The following WNT2B variants were observed in gnomAD, a reference collection of about 807,000 sequenced individuals.
The protein encoded by WNT2B is protein Wnt-2b.
WNT2B carries 19 observed loss-of-function variants against 40.5 expected under a neutral mutation model. The observed-to-expected ratio is 0.47, with a 90% CI of 0.33 to 0.69. WNT2B has a LOEUF of 0.69. Among genes scored for constraint, WNT2B ranks in the 30% least tolerant of loss-of-function variants. The probability of loss-of-function intolerance (pLI) is 0.02; values close to 1 mark genes in which losing one functional copy is unlikely to be tolerated. For synonymous variants in WNT2B, 220 were observed against 211.9 expected (o/e 1.04, Z -0.33); for missense variants, 467 against 556.4 (o/e 0.84, Z 1.62).
chr1:112,505,323 C>T (rs373179191), upstream of WNT2B, among the ~76,000 whole-genome samples: 34 of 152,330 alleles, frequency 2.2e-4, no homozygotes, highest in East Asian at 5.8e-4. Context: ...CACCCACAGA[C>T]GGTTTTATTA....
intron 1 of WNT2B, among the ~76,000 whole-genome samples, chr1:112,478,154 C>T (rs988159684): frequency 1.3e-5 from 2 of 152,042 alleles, no homozygotes; most frequent in African/African-American, 2.4e-5. Context: ...GGATCACTTG[C>T]ACCCAGGAGG....
chr1:112,520,498 G>A lies in WNT2B; in HGVS notation c.1165G>A (p.Asp389Asn), dbSNP rs1009097572. The A allele has an allele frequency of 6.2e-7, 1 of 1,613,954 alleles. No individual in the cohort carries two copies. The highest frequency in any genetic ancestry group is 1.3e-5 in the African/African-American group (1 of 75,014). ...CKAPKKAEWL[D>N]QT The stretch of plus-strand genomic sequence containing the variant: ...AGCCCCCAAGAAGGCAGAGTGGCTG[G>A]ACCAAACCTGAACACACAGATACCT... Residue 389 changes from aspartate to asparagine, a missense_variant, in exon 5 of 5, where the codon GAC becomes AAC. This residue lies in a region of WNT2B where 330 missense variants were observed against 438.6 expected (regional missense o/e 0.75). Transcript: ENST00000369684.
intron 1 of WNT2B, among the ~76,000 whole-genome samples, chr1:112,484,601 T>A (rs1651356719): frequency 6.6e-6 from 1 of 151,828 alleles, no homozygotes; most frequent in African/African-American, 2.4e-5. Context: ...AATTTAAATT[T>A]AAATTTTTTA....
chr1:112,520,176 C>CA, intron 4 of WNT2B, 104 bp from the exon 5 acceptor site: 2 of 1,210,388 alleles, frequency 1.7e-6, no homozygotes, highest in East Asian at 2.6e-5. Flanking sequence ...GTGCCCAGCC[C>CA]AAAAAAGCGA....
intron 1 of WNT2B, among the ~76,000 whole-genome samples, chr1:112,478,539 C>G (rs1651121058): frequency 6.6e-6 from 1 of 151,586 alleles, no homozygotes; most frequent in African/African-American, 2.4e-5. Flanking sequence ...ACTTGCTGAC[C>G]AGGAGAAAAT....
Position 112,517,833 on chromosome 1 carries a change from G to A in WNT2B, c.946+448G>A, listed in dbSNP as rs952938811. The stretch of plus-strand genomic sequence containing the variant: ...AAATCAATAAAGTTTATTTGAAAAT[G>A]TAGGGAAAAAAAAGAAACTAGAATT... On this transcript the variant is annotated intron_variant, in intron 4 of 4. Coordinates refer to ENST00000369684, the MANE Select transcript of WNT2B (RefSeq NM_024494.3). 2.4e-4 allele frequency: 38 copies of A among 156,154 alleles called. 1 individual carries two copies. Among genetic ancestry groups the A allele is most frequent in the Non-Finnish European group, 5.7e-5 (4 of 70,472 alleles). 9.7% of individuals were successfully genotyped at this position (156,154 alleles called of 1,614,324 possible).
upstream of WNT2B, chr1:112,508,726 C>A (rs936429283): frequency 1.3e-5 from 13 of 985,900 alleles, no homozygotes. The surrounding 1 kb of genome is among the most constrained non-coding windows in gnomAD (Gnocchi z 4.2). Context: ...TCGGCAGGGA[C>A]TGGGCGCTTG....
chr1:112,490,615 T>A (rs985418162), intron 1 of WNT2B, among the ~76,000 whole-genome samples: 4 of 151,558 alleles, frequency 2.6e-5, no homozygotes, highest in Admixed American at 6.6e-5. Flanking sequence ...TCAGCCTCCC[T>A]AGTAGCTGGG....
intron 1 of WNT2B, among the ~76,000 whole-genome samples, chr1:112,467,922 T>G (rs1177603162): frequency 6.6e-6 from 1 of 152,240 alleles, no homozygotes; most frequent in African/African-American, 2.4e-5. Context: ...TCTAACTGTA[T>G]GTTTGTAACC....
rs1409596766 is a variant in WNT2B, at chr1:112,521,865, T to C, written c.*1356T>C. On this transcript the variant is annotated 3_prime_UTR_variant, in exon 5 of 5. Transcript: ENST00000369684. ...ACAGTGGTTATCTTTTGCCTGTTGA[T>C]ATCTTAAAGCAGCAGAGTGGTATAG... 6.6e-6 allele frequency: 1 copy of C among 152,176 alleles called. No homozygotes were observed. The highest frequency in any genetic ancestry group is 2.4e-5 in the African/African-American group (1 of 41,448). 9.4% of individuals were successfully genotyped at this position (152,176 alleles called of 1,614,324 possible).
chr1:112,467,735 G>C, intron 1 of WNT2B: 1 of 615,716 alleles, frequency 1.6e-6, no homozygotes, highest in South Asian at 2.0e-5. Context: ...TATACACGTA[G>C]TATGTATAAT....
intron 1 of WNT2B, among the ~76,000 whole-genome samples, chr1:112,501,228 T>C (rs1462249802): frequency 6.6e-6 from 1 of 152,178 alleles, no homozygotes; most frequent in Non-Finnish European, 1.5e-5. Context: ...AGAGGGAAAG[T>C]GTTGTTTTAT....
upstream of WNT2B, chr1:112,508,864 G>A: frequency 2.0e-6 from 2 of 1,011,198 alleles, no homozygotes; most frequent in South Asian, 9.2e-5. The surrounding 1 kb of genome is among the most constrained non-coding windows in gnomAD (Gnocchi z 4.2). Flanking sequence ...GGAGCGCCCC[G>A]GGCTTGGCGC....
intron 1 of WNT2B, among the ~76,000 whole-genome samples, chr1:112,503,053 G>A (rs1344686526): frequency 6.6e-6 from 1 of 152,162 alleles, no homozygotes; most frequent in African/African-American, 2.4e-5. Flanking sequence ...AAGAGGATTA[G>A]AGAGATGAGC....
chr1:112,498,235 G>A (rs1485701887), intron 1 of WNT2B, among the ~76,000 whole-genome samples: 3 of 151,780 alleles, frequency 2.0e-5, no homozygotes, highest in Non-Finnish European at 4.4e-5. Context: ...TAAAGGACAT[G>A]ATCTCATTCC....
At chr1:112,507,060 C>T (rs1652128895), upstream of WNT2B, among the ~76,000 whole-genome samples, 1 of 152,188 alleles carries the variant, frequency 6.6e-6, no homozygotes, top group African/African-American at 2.4e-5. Context: ...CTTTGGGTCC[C>T]TGTACGGGCT....
rs1405510202 is a variant in WNT2B at position 112,526,234 on chromosome 1, A to G, written c.*5725A>G. The G allele has an allele frequency of 7.3e-7, 1 of 1,363,214 alleles. No homozygotes were observed. Among genetic ancestry groups the G allele is most frequent in the Non-Finnish European group, 1.0e-6 (1 of 1,003,924 alleles). The allele number at this position is 1,363,214 out of a possible 1,614,324, so 84.4% of individuals were successfully genotyped here. On this transcript the variant is annotated 3_prime_UTR_variant, in exon 5 of 5. Transcript: ENST00000369684. ...AGGCCCTCCTGAACCTTATCAACCA[A>G]TGGCTCTTTTGCCATTTCTGCCACT...
chr1:112,516,207 C>T lies in WNT2B; in HGVS notation c.471C>T (p.Ala157=). ...GGGTAGTCCACGCTATTACTCGCGCCTGTAGCCAGGGTGAACTGAGTGTGT... is the reference window on the plus strand; with the variant it reads ...GGGTAGTCCACGCTATTACTCGCGCTTGTAGCCAGGGTGAACTGAGTGTGT... ...SAGVVHAITR[A]CSQGELSVCS... The change falls in exon 3 of 5, where the codon GCC becomes GCT. Residue 157 remains alanine (A), a synonymous_variant. Transcript: ENST00000369684. 4 of 1,614,106 alleles carry T rather than the reference C, an allele frequency of 2.5e-6. 1 individual carries two copies. Among genetic ancestry groups the T allele is most frequent in the Non-Finnish European group, 3.4e-6 (4 of 1,180,020 alleles).
chr1:112,488,553 GT>G (rs561016335), intron 1 of WNT2B, among the ~76,000 whole-genome samples: 3,322 of 133,840 alleles, frequency 0.025, 93 homozygotes, highest in African/African-American at 0.078. Flanking sequence ...TTTACTTACT[GT>G]TTTTTTTTTT....
Sources: gnomAD v4.1 joint callset for allele counts (sites outside exome capture counted in the v4.1 genomes callset) on GRCh38, gnomAD v4.1.1 for gene constraint, gnomAD v4.1.1 regional missense constraint, Gnocchi (gnomAD v3.1) non-coding constraint, MANE v1.5 for transcripts, NCBI Gene and HGNC (gene_info 2026-07-23, HGNC 2026-07-21) for gene names.